Variants in MMP26 observed in about 807,000 individuals in gnomAD.
MMP26 encodes matrix metalloproteinase-26.
In MMP26, 33 loss-of-function variants were observed where a neutral mutation model predicts 31.0. The ratio of observed to expected loss-of-function variants is 1.06; its 90% CI spans 0.81 to 1.42. MMP26 has a LOEUF of 1.42. Ranked by LOEUF, MMP26 falls within the 40% of genes most tolerant of loss-of-function variation. MMP26 has a pLI of 0.00. For synonymous variants in MMP26, 122 were observed against 114.9 expected (o/e 1.06, Z -0.40); for missense variants, 347 against 316.1 (o/e 1.10, Z -0.74).
intron 1 of MMP26, among the ~76,000 whole-genome samples, chr11:4,749,302 A>G (rs945033171): frequency 1.3e-5 from 2 of 152,086 alleles, no homozygotes; most frequent in Non-Finnish European, 2.9e-5. Flanking sequence ...AAACAAATGG[A>G]AAAATATCCC....
chr11:4,797,946 G>T (rs1849129139), intron 2 of MMP26, among the ~76,000 whole-genome samples: 1 of 152,094 alleles, frequency 6.6e-6, no homozygotes, highest in South Asian at 2.1e-4. Flanking sequence ...AATCCAAAAG[G>T]TGCTACTTAT....
chr11:4,941,188 A>G (rs1275160256), intron 2 of MMP26, among the ~76,000 whole-genome samples: 7 of 152,192 alleles, frequency 4.6e-5, no homozygotes, highest in Admixed American at 4.6e-4. Flanking sequence ...ATCAGTCATG[A>G]TATTTTATGT....
chr11:4,769,449 G>C (rs1415764817), intron 2 of MMP26: 1 of 1,611,472 alleles, frequency 6.2e-7, no homozygotes, highest in East Asian at 2.2e-5. Flanking sequence ...GGCAATATTA[G>C]TACTATAGCA....
chr11:4,826,376 C>T (rs776590256), intron 2 of MMP26, among the ~76,000 whole-genome samples: 7 of 152,122 alleles, frequency 4.6e-5, no homozygotes, highest in Middle Eastern at 3.4e-3. Context: ...CCATGGGGCC[C>T]CTGATGTGCA....
intron 2 of MMP26, among the ~76,000 whole-genome samples, chr11:4,855,168 A>G (rs1473737636): frequency 6.6e-6 from 1 of 152,186 alleles, no homozygotes; most frequent in African/African-American, 2.4e-5. Context: ...TTCTACCCCA[A>G]AGGAACACAG....
intron 2 of MMP26, among the ~76,000 whole-genome samples, chr11:4,813,096 C>G (rs1421998400): frequency 6.6e-6 from 1 of 151,880 alleles, no homozygotes. Flanking sequence ...ACTTCGCTAT[C>G]TGGGTTCAAG....
At chr11:4,723,198 A>C (rs1297678771) in intron 1 of MMP26, 1 of 1,560,430 alleles carries the variant, frequency 6.4e-7, no homozygotes, top group Non-Finnish European at 8.8e-7. Flanking sequence ...GCCTCCAGGG[A>C]AGCCCTCTGG....
At chr11:4,737,048 C>T (rs1848250445) in intron 1 of MMP26, 2 of 152,498 alleles carry the variant, frequency 1.3e-5, no homozygotes, top group African/African-American at 2.4e-5. Context: ...AGTCCTGGAA[C>T]TCCAGTCAGG....
intron 1 of MMP26, among the ~76,000 whole-genome samples, chr11:4,726,700 T>C (rs1160607140): frequency 2.0e-5 from 3 of 152,144 alleles, no homozygotes; most frequent in Non-Finnish European, 4.4e-5. Context: ...GAAAGTGTGT[T>C]TTATAACTTT....
intron 2 of MMP26, among the ~76,000 whole-genome samples, chr11:4,974,958 T>G (rs1589822498): frequency 6.6e-6 from 1 of 151,016 alleles, no homozygotes; most frequent in African/African-American, 2.4e-5. Flanking sequence ...CTGTCAGGGG[T>G]TGAGGTGGGG....
At chr11:4,711,237 G>A (rs1361223428) in intron 1 of MMP26, 1 of 152,074 alleles carries the variant, frequency 6.6e-6, no homozygotes, top group Non-Finnish European at 1.5e-5. Context: ...AATGCAACAA[G>A]TTAAATACTG....
At chr11:4,875,618 C>G (rs1850369064) in intron 2 of MMP26, 1 of 152,072 alleles carries the variant, frequency 6.6e-6, no homozygotes, top group African/African-American at 2.4e-5. Flanking sequence ...GCTCAAGCTG[C>G]CATCTTTCTG....
At chr11:4,916,754 C>T (rs1386172669) in intron 2 of MMP26, among the ~76,000 whole-genome samples, 1 of 152,142 alleles carries the variant, frequency 6.6e-6, no homozygotes, top group African/African-American at 2.4e-5. Context: ...AGTAAGACAT[C>T]AAAGCCCTGA....
chr11:4,751,161 C>T (rs1025293999), intron 1 of MMP26, among the ~76,000 whole-genome samples: 3 of 151,956 alleles, frequency 2.0e-5, no homozygotes, highest in African/African-American at 4.8e-5. Context: ...ATAGATTATT[C>T]GATAGGTTTT....
intron 1 of MMP26, among the ~76,000 whole-genome samples, chr11:4,730,824 A>G (rs1391820062): frequency 6.6e-6 from 1 of 152,166 alleles, no homozygotes; most frequent in African/African-American, 2.4e-5. Context: ...CATCAGTAAA[A>G]CTTTCAGTGG....
At chr11:4,841,826 C>T (rs1431642635) in intron 2 of MMP26, among the ~76,000 whole-genome samples, 6 of 152,158 alleles carry the variant, frequency 3.9e-5, no homozygotes, top group East Asian at 1.9e-4. Context: ...CCAGCTACTC[C>T]GGAGGCTGAG....
At chr11:4,877,919 A>G (rs572169488) in intron 2 of MMP26, 2 of 152,288 alleles carry the variant, frequency 1.3e-5, no homozygotes, top group East Asian at 3.9e-4. Flanking sequence ...ACTTTGGTAT[A>G]TCGTTTTACA....
intron 2 of MMP26, among the ~76,000 whole-genome samples, chr11:4,808,018 C>T (rs1284006028): frequency 3.9e-5 from 6 of 152,076 alleles, no homozygotes; most frequent in Admixed American, 1.3e-4. Flanking sequence ...GTTACCCAAG[C>T]GTGTCTCAAA....
chr11:4,741,506 G>A lies in MMP26; in HGVS notation c.-216-25764G>A, dbSNP rs746713876. 5.3e-5 allele frequency among the ~76,000 whole-genome samples: 8 copies of A among 152,126 alleles called. No individual in the cohort carries two copies. In the South Asian group the frequency reaches 1.2e-3, roughly 24 times the overall value. ...AGATCATGTCCTTTGCAGGGACATGGATGAAGCTGGAAGCCATCATCCTCA... is the reference window on the plus strand; with the variant it reads ...AGATCATGTCCTTTGCAGGGACATGAATGAAGCTGGAAGCCATCATCCTCA... On this transcript the variant is annotated intron_variant, in intron 1 of 7. Coordinates refer to ENST00000380390, the MANE Select transcript of MMP26 (RefSeq NM_021801.5).
Sources: allele counts gnomAD v4.1 joint callset (sites outside exome capture counted in the v4.1 genomes callset), GRCh38; gene constraint gnomAD v4.1.1; transcripts MANE v1.5; gene names NCBI Gene and HGNC (gene_info 2026-07-23, HGNC 2026-07-21).